Variants in GRM8 observed in about 807,000 individuals in gnomAD.
The protein encoded by GRM8 is metabotropic glutamate receptor 8.
Under a neutral mutation model 87.2 loss-of-function variants are expected in GRM8, and 47 were observed. The observed-to-expected ratio is 0.54, with a 90% CI of 0.43 to 0.69. The LOEUF (loss-of-function observed/expected upper bound fraction) is 0.69. Among genes scored for constraint, GRM8 ranks in the 30% least tolerant of loss-of-function variants. GRM8 has a pLI of 0.00. For missense variants in GRM8, 1,019 were observed against 1,139.2 expected (o/e 0.89, Z 1.52); for synonymous variants, 396 against 404.5 (o/e 0.98, Z 0.25).
At chr7:126,772,522 G>A (rs895295510) in intron 6 of GRM8, among the ~76,000 whole-genome samples, 5 of 151,962 alleles carry the variant, frequency 3.3e-5, no homozygotes, top group Non-Finnish European at 5.9e-5. Flanking sequence ...TCAACAACTC[G>A]CCAAGAGATT....
At chr7:127,008,809 A>T (rs1814583825) in intron 3 of GRM8, among the ~76,000 whole-genome samples, 1 of 152,114 alleles carries the variant, frequency 6.6e-6, no homozygotes, top group Admixed American at 6.6e-5. Flanking sequence ...TGCTTTCTAT[A>T]TAGTGAAAGT....
At chr7:127,056,719 T>C (rs17875053) in intron 3 of GRM8, among the ~76,000 whole-genome samples, 1,540 of 152,324 alleles carry the variant, frequency 0.01, 29 homozygotes, top group African/African-American at 0.035. Flanking sequence ...GTTTAATGTG[T>C]AAACCAATGA....
At chr7:126,702,166 T>C (rs910976994) in intron 7 of GRM8, among the ~76,000 whole-genome samples, 5 of 152,216 alleles carry the variant, frequency 3.3e-5, no homozygotes, top group Admixed American at 1.3e-4. Context: ...CCTTGCCTTG[T>C]GGAGCTTACA....
At chr7:127,138,085 C>T (rs930069899) in intron 2 of GRM8, among the ~76,000 whole-genome samples, 4 of 152,136 alleles carry the variant, frequency 2.6e-5, no homozygotes, top group Non-Finnish European at 5.9e-5. Context: ...AGTATACAAG[C>T]AGCACCTGCA....
chr7:126,469,919 G>A (rs1169553498), intron 9 of GRM8, among the ~76,000 whole-genome samples: 1 of 152,142 alleles, frequency 6.6e-6, no homozygotes, highest in Non-Finnish European at 1.5e-5. Flanking sequence ...GGAAGTCTCG[G>A]AAGAAGACAG....
At chr7:126,753,324 T>C (rs1030633060) in intron 7 of GRM8, among the ~76,000 whole-genome samples, 1 of 151,894 alleles carries the variant, frequency 6.6e-6, no homozygotes, top group South Asian at 2.1e-4. Flanking sequence ...AATAACACTC[T>C]TAGTTGCTCT....
chr7:126,584,034 A>C (rs1238420232), intron 8 of GRM8, among the ~76,000 whole-genome samples: 4 of 152,170 alleles, frequency 2.6e-5, no homozygotes, highest in Admixed American at 2.0e-4. Context: ...CCCAACCTTC[A>C]GCAACTGTCA....
chr7:126,799,451 TA>T lies in GRM8; in HGVS notation c.1157-29387del, dbSNP rs754090338. Among the ~76,000 whole-genome samples the T allele has an allele frequency of 5.9e-5, 9 of 152,246 alleles. 1 individual carries two copies. The South Asian group carries it at 8.3e-4, about 14-fold the overall frequency. On this transcript the variant is annotated intron_variant, in intron 6 of 10. Coordinates refer to ENST00000339582, the MANE Select transcript of GRM8 (RefSeq NM_000845.3). ...ATGTAAGAGACAAGCAGCAATCATT[TA>T]AAATACACTAACAATAATGTAGACA...
At chr7:126,661,844 CT>C (rs1341051402) in intron 7 of GRM8, among the ~76,000 whole-genome samples, 2 of 152,226 alleles carry the variant, frequency 1.3e-5, no homozygotes, top group Admixed American at 1.3e-4. Flanking sequence ...TCCCTAACAA[CT>C]TGTTTCAAAT....
intron 2 of GRM8, among the ~76,000 whole-genome samples, chr7:127,183,447 A>G (rs527541489): frequency 1.3e-5 from 2 of 152,060 alleles, no homozygotes; most frequent in South Asian, 2.1e-4. Flanking sequence ...TAAATAACAC[A>G]TGGAATCAAA....
chr7:126,918,487 T>G (rs1804167654), intron 3 of GRM8, among the ~76,000 whole-genome samples: 1 of 152,128 alleles, frequency 6.6e-6, no homozygotes, highest in African/African-American at 2.4e-5. Flanking sequence ...GAAAAAAAAT[T>G]AAGTTAGCCA....
intron 9 of GRM8, among the ~76,000 whole-genome samples, chr7:126,472,137 G>C (rs13234002): frequency 0.14 from 21,788 of 152,062 alleles, 1,724 homozygotes; most frequent in South Asian, 0.18. Context: ...CTGCAAGCAG[G>C]GACAATTTGA....
chr7:126,867,687 G>A (rs1334017310), intron 6 of GRM8, among the ~76,000 whole-genome samples: 1 of 152,064 alleles, frequency 6.6e-6, no homozygotes, highest in Non-Finnish European at 1.5e-5. Flanking sequence ...AGAAATGAGA[G>A]GAGTGAAAAA....
At chr7:127,087,910 T>C (rs1255960056) in intron 3 of GRM8, among the ~76,000 whole-genome samples, 1 of 152,188 alleles carries the variant, frequency 6.6e-6, no homozygotes, top group Non-Finnish European at 1.5e-5. Context: ...TCCCCCAGAG[T>C]GCCTTGCCTG....
chr7:126,919,187 G>C (rs967851463), intron 3 of GRM8, among the ~76,000 whole-genome samples: 1 of 152,094 alleles, frequency 6.6e-6, no homozygotes, highest in Non-Finnish European at 1.5e-5. Context: ...GCACACCCAT[G>C]TTCCCTCTGC....
At chr7:126,620,546 G>T (rs1322553722) in intron 7 of GRM8, among the ~76,000 whole-genome samples, 4 of 151,720 alleles carry the variant, frequency 2.6e-5, no homozygotes, top group African/African-American at 9.7e-5. Flanking sequence ...TGAATATTGC[G>T]CAGGGGAAGA....
intron 6 of GRM8, among the ~76,000 whole-genome samples, chr7:126,798,635 T>C (rs1002656003): frequency 6.6e-6 from 1 of 152,170 alleles, no homozygotes; most frequent in Non-Finnish European, 1.5e-5. Flanking sequence ...TCTTGCCTAG[T>C]AGCGGGCCTT....
chr7:127,051,739 C>CAAAAAAAAAAAAAAAAA (rs59713382), intron 3 of GRM8, among the ~76,000 whole-genome samples: 1 of 58,462 alleles, frequency 1.7e-5, no homozygotes, highest in Admixed American at 2.3e-4. Flanking sequence ...TAATGTTGAG[C>CAAAAAAAAAAAAAAAAA]AAAAAAAAAA....
At chr7:126,811,744 CA>C (rs1394489355) in intron 6 of GRM8, among the ~76,000 whole-genome samples, 1 of 151,980 alleles carries the variant, frequency 6.6e-6, no homozygotes, top group Non-Finnish European at 1.5e-5. Flanking sequence ...ATTCATTTAT[CA>C]AATCTAGTTT....
Sources: gnomAD v4.1 joint callset for allele counts (sites outside exome capture counted in the v4.1 genomes callset) on GRCh38, gnomAD v4.1.1 for gene constraint, MANE v1.5 for transcripts, NCBI Gene and HGNC (gene_info 2026-07-23, HGNC 2026-07-21) for gene names.